The following FLT3 variants were observed in gnomAD, a reference collection of about 807,000 sequenced individuals.
FLT3 encodes the protein fms related receptor tyrosine kinase 3, also known as receptor-type tyrosine-protein kinase FLT3.
FLT3 carries 46 observed loss-of-function variants against 126.6 expected under a neutral mutation model. The ratio of observed to expected loss-of-function variants is 0.36; its 90% CI spans 0.29 to 0.46. The LOEUF (loss-of-function observed/expected upper bound fraction) is 0.46, where lower values mean the gene tolerates loss of function less well. Ranked by LOEUF, FLT3 falls within the 20% of genes least tolerant of loss-of-function variation. The pLI, the probability that FLT3 is intolerant of heterozygous loss-of-function variation, is 1.00. For synonymous variants in FLT3, 404 were observed against 434.4 expected (o/e 0.93, Z 0.87); for missense variants, 1,069 against 1,190.3 (o/e 0.90, Z 1.50).
intron 5 of FLT3, 105 bp from the exon 6 acceptor site, chr13:28,050,327 G>T: frequency 2.8e-6 from 3 of 1,075,730 alleles, no homozygotes; most frequent in Admixed American, 2.2e-5. Flanking sequence ...GGGTCAAATG[G>T]TAAACAAAAG....
intron 5 of FLT3, among the ~76,000 whole-genome samples, chr13:28,050,647 C>T (rs1875358002): frequency 6.6e-6 from 1 of 152,038 alleles, no homozygotes; most frequent in African/African-American, 2.4e-5. Flanking sequence ...GAGGGGGAAG[C>T]TAAAGTTTCA....
chr13:28,098,570 CA>C (rs1256884217), intron 1 of FLT3, among the ~76,000 whole-genome samples: 1 of 152,022 alleles, frequency 6.6e-6, no homozygotes, highest in Non-Finnish European at 1.5e-5. Context: ...CGGTATCTAC[CA>C]AACCTGAACA....
intron 1 of FLT3, 65 bp from the exon 2 acceptor site, chr13:28,070,677 A>T (rs1877427803): frequency 1.6e-6 from 2 of 1,281,022 alleles, no homozygotes; most frequent in Non-Finnish European, 1.1e-6. Context: ...ACATGCATTT[A>T]TCTTGCAACC....
At chr13:28,036,631 C>A (rs147013689) in intron 10 of FLT3, among the ~76,000 whole-genome samples, 1 of 152,294 alleles carries the variant, frequency 6.6e-6, no homozygotes, top group East Asian at 1.9e-4. Flanking sequence ...AACACTAATT[C>A]ATATTCAGAG....
intron 1 of FLT3, among the ~76,000 whole-genome samples, chr13:28,094,794 C>T (rs9554251): frequency 0.16 from 24,024 of 152,126 alleles, 3,163 homozygotes; most frequent in African/African-American, 0.37. Flanking sequence ...AACCACTGCA[C>T]TCTGCCTACT....
At chr13:28,040,538 C>CA (rs34953042) in intron 9 of FLT3, among the ~76,000 whole-genome samples, 71,993 of 151,580 alleles carry the variant, frequency 0.47, 18,020 homozygotes, top group East Asian at 0.73. Context: ...CCCATCTCTA[C>CA]AAAAAAAATC....
At chr13:28,097,577 G>A (rs1593314667) in intron 1 of FLT3, among the ~76,000 whole-genome samples, 1 of 152,088 alleles carries the variant, frequency 6.6e-6, no homozygotes, top group Non-Finnish European at 1.5e-5. Context: ...ATAGATAGAC[G>A]TGAAGTACCT....
chr13:28,027,224 A>G lies in FLT3; in HGVS notation c.2071T>C (p.Phe691Leu), dbSNP rs759272576. The G allele has an allele frequency of 5.6e-6, 9 of 1,610,724 alleles. No individual in the cohort carries two copies. The highest frequency in any genetic ancestry group is 7.6e-6 in the Non-Finnish European group (9 of 1,178,428). ...AGATCACCATAGCAACAGTATTCAA[A>G]AATCAAGTAAATTGGTCCTGAAATA... is the stretch of plus-strand genomic sequence containing the variant. ...CTLSGPIYLI[F>L]EYCCYGDLLN... The change falls in exon 17 of 24, where the codon TTT (phenylalanine) becomes CTT (leucine). Residue 691 changes from phenylalanine to leucine, a missense_variant. Physicochemically the swap from Phe to Leu is conservative, Grantham distance 22 (BLOSUM62 0). Coordinates refer to ENST00000241453, the MANE Select transcript of FLT3 (RefSeq NM_004119.3).
At chr13:28,057,026 G>C (rs146899721) in intron 4 of FLT3, among the ~76,000 whole-genome samples, 172 of 152,316 alleles carry the variant, frequency 1.1e-3, no homozygotes, top group Non-Finnish European at 2.0e-3. Context: ...ACCAGAATTA[G>C]AACAGAGGTC....
rs74041526 is a variant in FLT3, at chr13:28,004,072, C to G, written c.2962G>C (p.Ala988Pro). 2,590 of 1,614,070 alleles carry G rather than the reference C, an allele frequency of 1.6e-3. 37 individuals are homozygous for G. The African/African-American group carries it at 0.03, about 18-fold the overall frequency. ...TTCCTCTACGAATCTTCGACCTGAG[C>G]CTGCGGAGAGAGTAGCCCCAAATCC... ...EMDLGLLSPQ[A>P]QVEDS Residue 988 changes from alanine (A) to proline (P), a missense_variant, in exon 24 of 24, where the codon GCT (alanine) becomes CCT (proline). Transcript: ENST00000241453.
At chr13:28,045,896 C>T (rs1204003404) in intron 9 of FLT3, among the ~76,000 whole-genome samples, 1 of 130,924 alleles carries the variant, frequency 7.6e-6, no homozygotes, top group Admixed American at 8.6e-5. Context: ...TAACAGCTTA[C>T]GATGACTGTG....
chr13:28,079,680 G>A (rs766036103), intron 1 of FLT3, among the ~76,000 whole-genome samples: 1 of 152,100 alleles, frequency 6.6e-6, no homozygotes, highest in Non-Finnish European at 1.5e-5. Flanking sequence ...TGAGGAAGAA[G>A]CAAAAGCAAA....
intron 2 of FLT3, among the ~76,000 whole-genome samples, chr13:28,065,280 ATACTGTTTCAC>A (rs1876913372): frequency 6.6e-6 from 1 of 152,228 alleles, no homozygotes; most frequent in African/African-American, 2.4e-5. Flanking sequence ...TTCTCTGAGT[ATACTGTTTCAC>A]ATTGTTTTGA....
At chr13:28,017,346 C>T (rs943015567) in intron 20 of FLT3, among the ~76,000 whole-genome samples, 53 of 151,964 alleles carry the variant, frequency 3.5e-4, no homozygotes, top group Admixed American at 5.9e-4. Flanking sequence ...CTTCAGCCTC[C>T]CAAGTAGCTG....
intron 9 of FLT3, among the ~76,000 whole-genome samples, chr13:28,038,221 C>T (rs576898928): frequency 6.6e-6 from 1 of 152,256 alleles, no homozygotes; most frequent in East Asian, 1.9e-4. Flanking sequence ...CACAGATAAC[C>T]TGATCTTGGG....
At chr13:28,067,146 T>G (rs7985005) in intron 2 of FLT3, among the ~76,000 whole-genome samples, 6,687 of 152,164 alleles carry the variant, frequency 0.044, 473 homozygotes, top group African/African-American at 0.15. Flanking sequence ...CCTCAGCCTC[T>G]TGAGTAGCTG....
chr13:28,076,941 A>G (rs9581978), intron 1 of FLT3, among the ~76,000 whole-genome samples: 102,433 of 142,410 alleles, frequency 0.72, 38,138 homozygotes, highest in East Asian at 0.95. Context: ...GTGACAGAGC[A>G]AGAGGGAAGG....
chr13:28,056,721 C>A (rs1328416179), intron 4 of FLT3, among the ~76,000 whole-genome samples: 1 of 152,164 alleles, frequency 6.6e-6, no homozygotes, highest in African/African-American at 2.4e-5. Context: ...AACACAGTAG[C>A]CCCTAGCTGC....
In FLT3 at chr13:28,015,601, A is replaced by G. The variant is rs370459694; in HGVS notation, c.2642T>C (p.Ile881Thr). The G allele has an allele frequency of 1.9e-6, 3 of 1,605,326 alleles. No individual in the cohort carries two copies. Among genetic ancestry groups the G allele is most frequent in the African/African-American group, 2.7e-5 (2 of 74,580 alleles). ...VWSYGILLWE[I>T]FSLGVNPYPG... ...GCTGCCCAACTTACCAAGTGAGAAGATTTCCCACAGTAATATTCCATATGA... is the reference window on the plus strand; with the variant it reads ...GCTGCCCAACTTACCAAGTGAGAAGGTTTCCCACAGTAATATTCCATATGA... Residue 881 changes from isoleucine (I) to threonine (T), a missense_variant, in exon 21 of 24, where the codon ATC becomes ACC. By Grantham distance (89) the Ile-to-Thr change is moderately conservative (BLOSUM62 -1). Transcript: ENST00000241453.
Sources: allele counts gnomAD v4.1 joint callset (sites outside exome capture counted in the v4.1 genomes callset), GRCh38; gene constraint gnomAD v4.1.1; transcripts MANE v1.5; gene names NCBI Gene and HGNC (gene_info 2026-07-23, HGNC 2026-07-21).